TBCD: variants seen among roughly 807,000 people sequenced by gnomAD.
The protein encoded by TBCD is tubulin-specific chaperone D.
A neutral mutation model predicts 169.3 loss-of-function variants in TBCD; 105 were observed. The observed-to-expected ratio is 0.62, with a 90% CI of 0.53 to 0.73. The LOEUF (loss-of-function observed/expected upper bound fraction) is 0.73, where lower values mean the gene tolerates loss of function less well. TBCD is among the 30% of genes least tolerant of loss of function. The pLI is 0.00. For missense variants in TBCD, 1,444 were observed against 1,600.1 expected (o/e 0.90, Z 1.66); for synonymous variants, 700 against 643.9 (o/e 1.09, Z -1.32).
At chr17:82,907,975 T>C (rs2060364946) in intron 21 of TBCD, among the ~76,000 whole-genome samples, 154 bp downstream of exon 21, 1 of 152,194 alleles carries the variant, frequency 6.6e-6, no homozygotes, top group South Asian at 2.1e-4. Context: ...GTGATCACTC[T>C]GGGAACAGGC....
In TBCD at chr17:82,782,201, C is replaced by T. The variant is rs2048992034; in HGVS notation, c.771+480C>T. On this transcript the variant is annotated intron_variant, in intron 7 of 38. Coordinates refer to ENST00000355528, the MANE Select transcript of TBCD (RefSeq NM_005993.5). This position sits in a 1 kb window ranked among gnomAD's most constrained non-coding sequence, Gnocchi z 5.1. The stretch of plus-strand genomic sequence containing the variant: ...TTAGTGCCCTGGCTGCAGCCCTTTG[C>T]CAGCCCTTTCCCTGCCCTTTCGCTC... Among the ~76,000 whole-genome samples the T allele has an allele frequency of 6.6e-6, 1 of 152,200 alleles. No homozygotes were observed. Among genetic ancestry groups the T allele is most frequent in the South Asian group, 2.1e-4 (1 of 4,828 alleles).
intron 13 of TBCD, among the ~76,000 whole-genome samples, chr17:82,816,939 C>T (rs1230969905): frequency 2.0e-5 from 3 of 151,312 alleles, no homozygotes; most frequent in Admixed American, 6.6e-5. Flanking sequence ...TGACTGATGA[C>T]ACTGAGCATT....
intron 13 of TBCD, chr17:82,830,159 T>C: frequency 6.2e-7 from 1 of 1,614,036 alleles, no homozygotes; most frequent in Non-Finnish European, 8.5e-7. Flanking sequence ...ACCCGGGCCC[T>C]CCTTCGTAGT....
At chr17:82,757,396 G>A (rs1321663332) in intron 2 of TBCD, among the ~76,000 whole-genome samples, 1 of 152,068 alleles carries the variant, frequency 6.6e-6, no homozygotes, top group East Asian at 1.9e-4. Context: ...GGAGGCGGGT[G>A]GATCACTTGA....
At chr17:82,933,045 C>T (rs1456160251) in intron 34 of TBCD, among the ~76,000 whole-genome samples, 1 of 151,778 alleles carries the variant, frequency 6.6e-6, no homozygotes, top group Non-Finnish European at 1.5e-5. Flanking sequence ...CAGGGTTGTG[C>T]TGGGAGCCGC....
intron 13 of TBCD, among the ~76,000 whole-genome samples, chr17:82,817,141 T>C (rs967017694): frequency 6.6e-6 from 1 of 152,072 alleles, no homozygotes; most frequent in Non-Finnish European, 1.5e-5. Flanking sequence ...TCACTTTCTA[T>C]TGATTGATTG....
intron 14 of TBCD, among the ~76,000 whole-genome samples, chr17:82,879,507 G>A (rs76255368): frequency 0.034 from 5,117 of 152,278 alleles, 143 homozygotes; most frequent in African/African-American, 0.08. Flanking sequence ...TGGGCATAGC[G>A]TTGCCAGGCC....
chr17:82,761,491 C>T (rs140131877), intron 2 of TBCD, among the ~76,000 whole-genome samples: 1 of 152,220 alleles, frequency 6.6e-6, no homozygotes, highest in East Asian at 1.9e-4. Flanking sequence ...TTCTGTCATC[C>T]CAAGGAGTTA....
intron 33 of TBCD, among the ~76,000 whole-genome samples, chr17:82,931,164 G>C (rs901001962): frequency 6.6e-6 from 1 of 152,204 alleles, no homozygotes; most frequent in African/African-American, 2.4e-5. Context: ...GTTGTTCCCA[G>C]CATGTGCGAG....
rs1567887000 is a variant in TBCD, at chr17:82,850,036, T to TGCTGC, written c.1319-20188_1319-20187insGCTGC. ...GGCTGTGCTGTTGTTGGCTGTGCTG[T>TGCTGC]TGTTGGCTGTGCTGTTGTTGGCTGT... On this transcript the variant is annotated intron_variant, in intron 13 of 38. Coordinates refer to ENST00000355528, the MANE Select transcript of TBCD (RefSeq NM_005993.5). Among the ~76,000 whole-genome samples the TGCTGC allele has an allele frequency of 4.0e-3, 81 of 20,384 alleles. 1 individual carries two copies. The highest frequency in any genetic ancestry group is 5.8e-3 in the African/African-American group (36 of 6,172). 13.4% of individuals were successfully genotyped at this position (20,384 alleles called of 152,430 possible).
intron 13 of TBCD, among the ~76,000 whole-genome samples, chr17:82,834,708 G>C (rs1198010645): frequency 4.0e-5 from 6 of 151,838 alleles, no homozygotes; most frequent in Non-Finnish European, 2.9e-5. Context: ...CACACACCAG[G>C]GCCTGTTTAG....
At chr17:82,881,338 C>T (rs533181593) in intron 14 of TBCD, among the ~76,000 whole-genome samples, 5 of 152,318 alleles carry the variant, frequency 3.3e-5, no homozygotes, top group South Asian at 2.1e-4. Context: ...GTAATTAAAC[C>T]AAGTAAACGG....
At chr17:82,809,042 T>C (rs1462060461) in intron 11 of TBCD, among the ~76,000 whole-genome samples, 1 of 151,950 alleles carries the variant, frequency 6.6e-6, no homozygotes, top group Non-Finnish European at 1.5e-5. Context: ...GGTCCGTCCA[T>C]ACCATGATCT....
intron 13 of TBCD, chr17:82,859,541 A>C: frequency 3.0e-6 from 3 of 985,410 alleles, no homozygotes; most frequent in Non-Finnish European, 3.6e-6. Context: ...GTGAGCAGAC[A>C]CACAAGCTGT....
chr17:82,888,147 A>AC (rs1179353437), intron 15 of TBCD, among the ~76,000 whole-genome samples: 2 of 152,028 alleles, frequency 1.3e-5, no homozygotes, highest in African/African-American at 4.8e-5. Context: ...AGACGTGAAG[A>AC]CTTTCTTAAG....
rs548585638 is a variant in TBCD at position 82,926,761 on chromosome 17, G to A, written c.2471+270G>A. The A allele has an allele frequency of 6.3e-5, 35 of 555,594 alleles. 1 individual carries two copies. The South Asian group carries it at 7.7e-4, about 12-fold the overall frequency. 34.4% of individuals were successfully genotyped at this position (555,594 alleles called of 1,614,324 possible). A position where few individuals can be genotyped will look rare whatever the true frequency, so the allele number is the denominator to read the frequency against. On this transcript the variant is annotated intron_variant, in intron 28 of 38. Transcript: ENST00000355528. ...GGCCCAAGGTTGGCAAAGAGGAGCT[G>A]ACCCTGCCAGCCAGTGTTTGGAATG...
chr17:82,809,712 G>C lies in TBCD; in HGVS notation c.1153G>C (p.Gly385Arg), dbSNP rs1404976208. 1 of 1,612,898 alleles carries C rather than the reference G, an allele frequency of 6.2e-7. No homozygotes were observed. Among genetic ancestry groups the C allele is most frequent in the Non-Finnish European group, 8.5e-7 (1 of 1,179,402 alleles). Reference protein sequence around the residue: ...VVRWSAAKGIGRMAGRLPRAL... With the variant: ...VVRWSAAKGIRRMAGRLPRAL... The stretch of plus-strand genomic sequence containing the variant: ...ATTGCTGCGTTTCTCTTTCAGCATC[G>C]GTAGGATGGCTGGCAGGCTTCCCAG... The change falls in exon 12 of 39, where the codon GGT (glycine) becomes CGT (arginine). Residue 385 changes from glycine to arginine, a missense_variant. Coordinates refer to ENST00000355528, the MANE Select transcript of TBCD (RefSeq NM_005993.5).
At chr17:82,770,451 T>C (rs541119567) in intron 5 of TBCD, among the ~76,000 whole-genome samples, 3 of 152,004 alleles carry the variant, frequency 2.0e-5, no homozygotes, top group African/African-American at 7.2e-5. Context: ...AATACAACAT[T>C]AGCTGGGCGT....
chr17:82,887,933 G>A (rs1237343751), intron 15 of TBCD, among the ~76,000 whole-genome samples: 2 of 152,082 alleles, frequency 1.3e-5, no homozygotes, highest in East Asian at 3.8e-4. Context: ...ATTTCTAAGT[G>A]GATTGTTTTT....
Sources: allele counts gnomAD v4.1 joint callset (sites outside exome capture counted in the v4.1 genomes callset), GRCh38; gene constraint gnomAD v4.1.1; non-coding constraint Gnocchi (gnomAD v3.1); transcripts MANE v1.5; gene names NCBI Gene and HGNC (gene_info 2026-07-23, HGNC 2026-07-21).